The following GLI3 variants were observed in gnomAD, a reference collection of about 807,000 sequenced individuals.
GLI3 encodes transcription activator GLI3.
A neutral mutation model predicts 100.8 loss-of-function variants in GLI3; 20 were observed. That is an observed-to-expected ratio of 0.20 (90% confidence interval 0.14 to 0.29). The LOEUF is 0.29. Ranked by LOEUF, GLI3 falls within the 10% of genes least tolerant of loss-of-function variation. The pLI is 1.00. For missense variants in GLI3, 2,040 were observed against 2,128.5 expected (o/e 0.96, Z 0.82); for synonymous variants, 938 against 860.5 (o/e 1.09, Z -1.58).
intron 7 of GLI3, among the ~76,000 whole-genome samples, chr7:42,039,275 C>T (rs1018533066): frequency 6.6e-6 from 1 of 152,134 alleles, no homozygotes; most frequent in African/African-American, 2.4e-5. Flanking sequence ...TGACATCAGT[C>T]CAAGTTGATC....
At chr7:42,095,430 T>C (rs1414471517) in intron 3 of GLI3, among the ~76,000 whole-genome samples, 1 of 151,866 alleles carries the variant, frequency 6.6e-6, no homozygotes, top group Admixed American at 6.5e-5. Context: ...ATTACTTTGG[T>C]GGTAACATGG....
chr7:42,064,503 A>G (rs2128748295), intron 4 of GLI3, among the ~76,000 whole-genome samples: 1 of 152,334 alleles, frequency 6.6e-6, no homozygotes, highest in South Asian at 2.1e-4. Flanking sequence ...TTTTACGAAG[A>G]TGATCATGAG....
At chr7:42,168,423 C>G (rs564602286) in intron 2 of GLI3, among the ~76,000 whole-genome samples, 1 of 152,168 alleles carries the variant, frequency 6.6e-6, no homozygotes, top group East Asian at 1.9e-4. Context: ...CAGGATCGCT[C>G]TTTGTAACCA....
At chr7:42,139,014 T>C (rs988983427) in intron 3 of GLI3, among the ~76,000 whole-genome samples, 2 of 152,214 alleles carry the variant, frequency 1.3e-5, no homozygotes, top group Non-Finnish European at 2.9e-5. Context: ...TTTGTTCTCA[T>C]GCTCCCCTGG....
At chr7:42,241,986 C>G (rs1253720081), upstream of GLI3, among the ~76,000 whole-genome samples, 1 of 152,170 alleles carries the variant, frequency 6.6e-6, no homozygotes, top group Admixed American at 6.5e-5. Context: ...TCTCAGTTGT[C>G]TCAAACCAAA....
At chr7:42,112,227 G>A (rs1466313830) in intron 3 of GLI3, among the ~76,000 whole-genome samples, 1 of 152,160 alleles carries the variant, frequency 6.6e-6, no homozygotes, top group African/African-American at 2.4e-5. Context: ...CCAGAAGACT[G>A]TGTCCACTGT....
chr7:41,967,964 A>G, intron 13 of GLI3, 41 bp from the exon 14 acceptor site: 1 of 1,525,040 alleles, frequency 6.6e-7, no homozygotes, highest in East Asian at 2.2e-5. Flanking sequence ...GTCACCAGGG[A>G]GGGTCAAGGA....
intron 2 of GLI3, among the ~76,000 whole-genome samples, chr7:42,200,721 G>A (rs1788020990): frequency 6.6e-6 from 1 of 152,090 alleles, no homozygotes; most frequent in East Asian, 1.9e-4. Flanking sequence ...CAGGCTTCAA[G>A]TCTTATCCTA....
chr7:42,048,766 C>G (rs1583509281), intron 4 of GLI3, 70 bp from the exon 5 acceptor site: 1 of 1,027,018 alleles, frequency 9.7e-7, no homozygotes, highest in Non-Finnish European at 1.5e-6. Flanking sequence ...GAGGCTGTCT[C>G]TGAAAGAAAA....
chr7:42,117,548 C>T (rs17172014), intron 3 of GLI3, among the ~76,000 whole-genome samples: 15,461 of 152,112 alleles, frequency 0.1, 1,649 homozygotes, highest in African/African-American at 0.27. Flanking sequence ...CTGATGGGTG[C>T]GATTCTGACC....
intron 7 of GLI3, among the ~76,000 whole-genome samples, chr7:42,036,889 C>T (rs1789455068): frequency 6.6e-6 from 1 of 152,144 alleles, no homozygotes; most frequent in Admixed American, 6.5e-5. Flanking sequence ...CACCTGTAAT[C>T]TTAACACTTT....
chr7:41,964,368 G>C lies in GLI3; in HGVS notation c.4705C>G (p.Leu1569Val). ...GCAAGGAATTTGCTTTCTTCCGCTAGGGAGGTCAGCAAAGAACTCATGTCC... is the reference window on the plus strand; with the variant it reads ...GCAAGGAATTTGCTTTCTTCCGCTACGGAGGTCAGCAAAGAACTCATGTCC... ...IGDMSSLLTS[L>V]AEESKFLAVM... The change falls in exon 15 of 15, where the codon CTA becomes GTA. Residue 1569 changes from leucine to valine, a missense_variant. Leu to Val is a conservative substitution (Grantham distance 32). Transcript: ENST00000395925. The C allele has an allele frequency of 6.2e-7, 1 of 1,614,084 alleles. No individual in the cohort carries two copies. The highest frequency in any genetic ancestry group is 8.5e-7 in the Non-Finnish European group (1 of 1,179,912).
chr7:42,116,395 T>C (rs1300609268), intron 3 of GLI3, among the ~76,000 whole-genome samples: 1 of 151,990 alleles, frequency 6.6e-6, no homozygotes, highest in Admixed American at 6.6e-5. Flanking sequence ...CTCAGAAATT[T>C]TGGCCCTTTG....
At chr7:41,983,687 A>C (rs1341562834) in intron 10 of GLI3, among the ~76,000 whole-genome samples, 3 of 152,186 alleles carry the variant, frequency 2.0e-5, no homozygotes, top group Non-Finnish European at 2.9e-5. Flanking sequence ...AGATGGTGTA[A>C]ATTACAATGT....
chr7:42,009,206 C>T (rs1411409806), intron 10 of GLI3, among the ~76,000 whole-genome samples: 1 of 152,188 alleles, frequency 6.6e-6, no homozygotes, highest in East Asian at 1.9e-4. Flanking sequence ...TCCCGTCAAT[C>T]ATATTTACTG....
rs1399657906 is a variant in GLI3 at position 42,142,618 on chromosome 7, A to C, written c.367+5608T>G. ...CAGACTCACGGTCGCATCAGGCACAAGAGTAGTCAAGATTCACTGGCAACA... is the reference window on the plus strand; with the variant it reads ...CAGACTCACGGTCGCATCAGGCACACGAGTAGTCAAGATTCACTGGCAACA... On this transcript the variant is annotated intron_variant, in intron 3 of 14. Transcript: ENST00000395925. 2.6e-5 allele frequency among the ~76,000 whole-genome samples: 4 copies of C among 152,122 alleles called. No homozygotes were observed. The East Asian group carries it at 7.7e-4, about 29-fold the overall frequency.
intron 3 of GLI3, among the ~76,000 whole-genome samples, chr7:42,077,941 C>T (rs1784914755): frequency 6.6e-6 from 1 of 152,216 alleles, no homozygotes; most frequent in African/African-American, 2.4e-5. Flanking sequence ...CGGGTCCACA[C>T]TGGTCATGCT....
At chr7:42,243,017 C>T (rs1788940588) in intron 1 of GLI3, among the ~76,000 whole-genome samples, 1 of 152,136 alleles carries the variant, frequency 6.6e-6, no homozygotes, top group South Asian at 2.1e-4. Flanking sequence ...GTGGTATTCA[C>T]AGGAGGAGCT....
intron 2 of GLI3, among the ~76,000 whole-genome samples, chr7:42,149,638 A>G (rs919908640): frequency 6.6e-6 from 1 of 152,222 alleles, no homozygotes; most frequent in Non-Finnish European, 1.5e-5. Flanking sequence ...TAGACATCTA[A>G]TGTAAAAACC....
Sources: gnomAD v4.1 joint callset for allele counts (sites outside exome capture counted in the v4.1 genomes callset) on GRCh38, gnomAD v4.1.1 for gene constraint, MANE v1.5 for transcripts, NCBI Gene and HGNC (gene_info 2026-07-23, HGNC 2026-07-21) for gene names.